Variants in SLC10A7 observed in about 807,000 individuals in gnomAD.
SLC10A7 encodes the protein sodium/bile acid cotransporter 7.
Under a neutral mutation model 43.2 loss-of-function variants are expected in SLC10A7, and 29 were observed. The ratio of observed to expected loss-of-function variants is 0.67; its 90% CI spans 0.50 to 0.92. SLC10A7 has a LOEUF of 0.92. Ranked by LOEUF, SLC10A7 falls within the 40% of genes least tolerant of loss-of-function variation. The probability of loss-of-function intolerance (pLI) is 0.00; values close to 1 mark genes in which losing one functional copy is unlikely to be tolerated. For synonymous variants in SLC10A7, 152 were observed against 144.8 expected, an observed-to-expected ratio of 1.05 and a Z score of -0.35; for missense variants, 295 against 403.2, an observed-to-expected ratio of 0.73 and a Z score of 2.30.
intron 5 of SLC10A7, among the ~76,000 whole-genome samples, chr4:146,397,692 A>G (rs1040919928): frequency 6.6e-6 from 1 of 152,228 alleles, no homozygotes; most frequent in Non-Finnish European, 1.5e-5. Context: ...ACACTGAAGC[A>G]GTGTTGAAAC....
chr4:146,339,185 C>T (rs1391041938), intron 5 of SLC10A7, among the ~76,000 whole-genome samples: 2 of 151,932 alleles, frequency 1.3e-5, no homozygotes, highest in African/African-American at 4.8e-5. Context: ...AATCACTATT[C>T]AGATTTATAA....
chr4:146,501,423 G>A (rs1469919190), intron 4 of SLC10A7, among the ~76,000 whole-genome samples: 1 of 152,152 alleles, frequency 6.6e-6, no homozygotes, highest in South Asian at 2.1e-4. Context: ...TACATGGTAA[G>A]GCCATATGAC....
chr4:146,329,356 A>G (rs1347894701), intron 5 of SLC10A7, among the ~76,000 whole-genome samples: 1 of 152,174 alleles, frequency 6.6e-6, no homozygotes, highest in Non-Finnish European at 1.5e-5. Context: ...CATCATGATT[A>G]TTATTAAAAT....
intron 5 of SLC10A7, among the ~76,000 whole-genome samples, chr4:146,337,152 A>C (rs1050137903): frequency 1.3e-5 from 2 of 152,112 alleles, no homozygotes; most frequent in Non-Finnish European, 2.9e-5. Flanking sequence ...ACAGGCAATA[A>C]ATAATTTTCT....
intron 5 of SLC10A7, among the ~76,000 whole-genome samples, chr4:146,402,487 C>T (rs946589164): frequency 6.6e-6 from 1 of 152,130 alleles, no homozygotes; most frequent in Admixed American, 6.5e-5. Flanking sequence ...GCCCTGACCG[C>T]CTCCTGGGCC....
chr4:146,339,537 T>C (rs1044946840), intron 5 of SLC10A7, among the ~76,000 whole-genome samples: 1 of 151,918 alleles, frequency 6.6e-6, no homozygotes, highest in Non-Finnish European at 1.5e-5. Flanking sequence ...CCAATGGTCC[T>C]AAGAAAGGTT....
At chr4:146,453,370 C>T (rs1367047160) in intron 4 of SLC10A7, among the ~76,000 whole-genome samples, 4 of 152,038 alleles carry the variant, frequency 2.6e-5, no homozygotes, top group Admixed American at 1.3e-4. Context: ...ATGGGAATGA[C>T]ACCAGAGAGA....
chr4:146,442,526 A>G (rs1730683884), intron 5 of SLC10A7: 5 of 1,302,996 alleles, frequency 3.8e-6, no homozygotes, highest in Non-Finnish European at 4.9e-6. Flanking sequence ...CTATAAGGAG[A>G]CACATAGTGT....
At chr4:146,515,285 A>G (rs1737842763) in intron 2 of SLC10A7, 2 of 640,552 alleles carry the variant, frequency 3.1e-6, no homozygotes, top group African/African-American at 1.8e-5. Context: ...GCAGTTCCAT[A>G]AAGAGCATTA....
intron 5 of SLC10A7, among the ~76,000 whole-genome samples, chr4:146,428,458 T>C (rs1219967735): frequency 6.6e-6 from 1 of 152,184 alleles, no homozygotes; most frequent in Non-Finnish European, 1.5e-5. Flanking sequence ...TGTAACATGA[T>C]GCTTCTAAAC....
At chr4:146,358,684 T>G (rs1331783793) in intron 5 of SLC10A7, among the ~76,000 whole-genome samples, 1 of 152,178 alleles carries the variant, frequency 6.6e-6, no homozygotes, top group Non-Finnish European at 1.5e-5. Flanking sequence ...GTTAATCATA[T>G]TTTTGTGTGG....
Position 146,325,995 on chromosome 4 carries a change from C to T in SLC10A7, c.437G>A (p.Gly146Asp). 1 of 1,611,144 alleles carries T rather than the reference C, an allele frequency of 6.2e-7. No individual in the cohort carries two copies. Among genetic ancestry groups the T allele is most frequent in the Non-Finnish European group, 8.5e-7 (1 of 1,178,716 alleles). The part of the protein sequence containing the change: ...IFNSAFGSFL[G>D]IVITPLLLLL... The stretch of plus-strand genomic sequence containing the variant: ...CAGGAGCAGGGGTGTTATAACGATG[C>T]CCTGAAAGAAATAAAAGAGAGGATG... The change falls in exon 6 of 12, where the codon GGC (glycine) becomes GAC (aspartate). Residue 146 changes from glycine (G) to aspartate (D), a missense_variant and splice_region_variant. Gly to Asp is a moderately conservative substitution (Grantham distance 94, BLOSUM62 -1). Transcript: ENST00000335472.
chr4:146,376,568 C>T (rs1425338298), intron 5 of SLC10A7, among the ~76,000 whole-genome samples: 1 of 152,102 alleles, frequency 6.6e-6, no homozygotes, highest in East Asian at 1.9e-4. Context: ...GGTTGGTCCC[C>T]AGCCGAACTC....
At chr4:146,445,891 CTGTG>C (rs10678013) in intron 4 of SLC10A7, among the ~76,000 whole-genome samples, 19 of 148,586 alleles carry the variant, frequency 1.3e-4, no homozygotes, top group East Asian at 8.1e-4. Flanking sequence ...CTTCTCTCTT[CTGTG>C]TGTGTGTGTG....
chr4:146,364,018 T>C (rs757800733), intron 5 of SLC10A7, among the ~76,000 whole-genome samples: 1 of 151,424 alleles, frequency 6.6e-6, no homozygotes, highest in Non-Finnish European at 1.5e-5. Context: ...CAGAAACAAA[T>C]AAAATAGAGA....
At chr4:146,425,364 T>C (rs1729262910) in intron 5 of SLC10A7, among the ~76,000 whole-genome samples, 1 of 152,214 alleles carries the variant, frequency 6.6e-6, no homozygotes, top group Non-Finnish European at 1.5e-5. Context: ...AGTAGAGCAA[T>C]GATGAAAATG....
At chr4:146,328,004 C>T (rs938225981) in intron 5 of SLC10A7, among the ~76,000 whole-genome samples, 1 of 152,178 alleles carries the variant, frequency 6.6e-6, no homozygotes, top group Non-Finnish European at 1.5e-5. Context: ...GGCACCTCTG[C>T]ACATCATATG....
At chr4:146,432,768 G>T (rs148684021) in intron 5 of SLC10A7, among the ~76,000 whole-genome samples, 1 of 152,256 alleles carries the variant, frequency 6.6e-6, no homozygotes, top group East Asian at 1.9e-4. Context: ...AACCGGCCGC[G>T]GTGGCTCATG....
At chr4:146,315,163 T>C (rs1732242352) in intron 6 of SLC10A7, among the ~76,000 whole-genome samples, 1 of 152,076 alleles carries the variant, frequency 6.6e-6, no homozygotes, top group South Asian at 2.1e-4. Flanking sequence ...AGGAAAGATT[T>C]CAAAATGCTT....
Sources: gnomAD v4.1 joint callset for allele counts (sites outside exome capture counted in the v4.1 genomes callset) on GRCh38, gnomAD v4.1.1 for gene constraint, MANE v1.5 for transcripts, NCBI Gene and HGNC (gene_info 2026-07-23, HGNC 2026-07-21) for gene names.